Variants in SCN3A observed in about 807,000 individuals in gnomAD.
SCN3A encodes sodium voltage-gated channel alpha subunit 3.
Under a neutral mutation model 187.6 loss-of-function variants are expected in SCN3A, and 60 were observed. The observed-to-expected ratio is 0.32, with a 90% confidence interval of 0.26 to 0.40. The LOEUF (loss-of-function observed/expected upper bound fraction) is 0.40, where lower values mean the gene tolerates loss of function less well. Ranked by LOEUF, SCN3A falls within the 10% of genes least tolerant of loss-of-function variation. SCN3A has a pLI of 1.00. For synonymous variants in SCN3A, 788 were observed against 829.2 expected (o/e 0.95, Z 0.85); for missense variants, 1,601 against 2,428.2 (o/e 0.66, Z 7.16).
chr2:165,128,050 G>T lies in SCN3A; in HGVS notation c.2974C>A (p.Leu992Ile). 6.2e-7 allele frequency: 1 copy of T among 1,613,472 alleles called. No homozygotes were observed. Among genetic ancestry groups the T allele is most frequent in the Non-Finnish European group, 8.5e-7 (1 of 1,179,930 alleles). ...LLLSSFSSDN[L>I]AATDDDNEMN... ...TCATTGTCATCATCAGTAGCAGCAA[G>T]GTTGTCTGAGCTAAATGAACTCAAC... Residue 992 changes from leucine to isoleucine, a missense_variant, in exon 18 of 28, where the codon CTT becomes ATT. Leu to Ile is a conservative substitution (Grantham distance 5, BLOSUM62 2). This residue lies in a region of SCN3A where 267 missense variants were observed against 313.2 expected (regional missense o/e 0.85). Transcript: ENST00000283254.
intron 9 of SCN3A, among the ~76,000 whole-genome samples, chr2:165,158,041 T>C (rs1425875830): frequency 2.0e-5 from 3 of 152,312 alleles, no homozygotes; most frequent in East Asian, 3.9e-4. Context: ...GTTCTTTTTA[T>C]TGGAAAATGG....
intron 15 of SCN3A, among the ~76,000 whole-genome samples, chr2:165,132,536 T>C (rs1178799940): frequency 6.6e-6 from 1 of 152,322 alleles, no homozygotes; most frequent in African/African-American, 2.4e-5. Context: ...GGGAAAAGGA[T>C]TCCCTATTTA....
intron 18 of SCN3A, among the ~76,000 whole-genome samples, chr2:165,120,188 C>G (rs1434811782): frequency 6.6e-6 from 1 of 151,892 alleles, no homozygotes; most frequent in Non-Finnish European, 1.5e-5. Flanking sequence ...GGAAGCCGCA[C>G]GCTGATCCAA....
At chr2:165,093,854 A>T (rs1253094166) in intron 26 of SCN3A, 1 of 155,680 alleles carries the variant, frequency 6.4e-6, no homozygotes, top group African/African-American at 2.4e-5. Context: ...CAGCTCTGTG[A>T]ACATAATCTG....
At chr2:165,143,831 G>T (rs996030592) in intron 12 of SCN3A, among the ~76,000 whole-genome samples, 2 of 152,162 alleles carry the variant, frequency 1.3e-5, no homozygotes, top group Non-Finnish European at 2.9e-5. Context: ...TGCATGTAGG[G>T]TTTGGATTCA....
intron 22 of SCN3A, among the ~76,000 whole-genome samples, chr2:165,097,909 T>G (rs1210511332): frequency 6.6e-6 from 1 of 152,190 alleles, no homozygotes; most frequent in East Asian, 1.9e-4. Context: ...GAATGATAAT[T>G]TGAAAAAGCC....
chr2:165,143,083 T>A (rs1375087752), intron 12 of SCN3A, among the ~76,000 whole-genome samples: 1 of 150,914 alleles, frequency 6.6e-6, no homozygotes, highest in Admixed American at 6.6e-5. Context: ...TTTGAGTGTA[T>A]GTGAATCACT....
chr2:165,132,517 A>C (rs1687396588), intron 15 of SCN3A, among the ~76,000 whole-genome samples: 1 of 152,318 alleles, frequency 6.6e-6, no homozygotes, highest in Non-Finnish European at 1.5e-5. Context: ...TCTGAGAAAA[A>C]CAAGCAATGG....
At chr2:165,137,307 T>G (rs1293084340) in intron 15 of SCN3A, among the ~76,000 whole-genome samples, 1 of 152,164 alleles carries the variant, frequency 6.6e-6, no homozygotes, top group Non-Finnish European at 1.5e-5. Flanking sequence ...GTAAACCCTT[T>G]TCTTACTTGT....
At position 165,115,501 on chromosome 2, in the gene SCN3A, T is replaced by C. The variant is rs1384034730; in HGVS notation, c.3468A>G (p.Glu1156=). 3.7e-6 allele frequency: 6 copies of C among 1,614,010 alleles called. No individual in the cohort carries two copies. Among genetic ancestry groups the C allele is most frequent in the Non-Finnish European group, 4.2e-6 (5 of 1,179,960 alleles). The stretch of plus-strand genomic sequence containing the variant: ...GTTTAAGGTCTTCTTCGGGTTCAGT[T>C]TCAGCTTGTTCACCTTCTCGGGGTA... ...VVLPREGEQA[E]TEPEEDLKPE... The change falls in exon 19 of 28, where the codon GAA becomes GAG. Residue 1156 remains glutamate, a synonymous_variant. Transcript: ENST00000283254.
At chr2:165,174,516 T>C (rs1436577411) in intron 3 of SCN3A, among the ~76,000 whole-genome samples, 1 of 152,224 alleles carries the variant, frequency 6.6e-6, no homozygotes, top group Non-Finnish European at 1.5e-5. Context: ...CGTTTGCCTC[T>C]GTTGTTCTCC....
chr2:165,189,098 C>T (rs1363108776), intron 1 of SCN3A, among the ~76,000 whole-genome samples: 1 of 152,110 alleles, frequency 6.6e-6, no homozygotes, highest in Non-Finnish European at 1.5e-5. Flanking sequence ...CATATTGGAT[C>T]ACATGAATTT....
intron 1 of SCN3A, 115 bp downstream of exon 1, chr2:165,203,708 T>C (rs1692459217): frequency 6.6e-6 from 1 of 152,006 alleles, no homozygotes; most frequent in South Asian, 2.1e-4. Flanking sequence ...TCCTGTAATT[T>C]ACATTTAAAC....
At chr2:165,168,900 G>C (rs1392401033) in intron 4 of SCN3A, 75 bp from the exon 5 acceptor site, 1 of 956,762 alleles carries the variant, frequency 1.0e-6, no homozygotes, top group Admixed American at 1.8e-5. Context: ...ACACAAAAAA[G>C]TTTATCGATG....
In SCN3A at chr2:165,090,099, AC is replaced by A; in HGVS notation, c.*50del. 6.5e-7 allele frequency: 1 copy of A among 1,548,312 alleles called. No homozygotes were observed. Among genetic ancestry groups the A allele is most frequent in the Non-Finnish European group, 8.7e-7 (1 of 1,146,872 alleles). On this transcript the variant is annotated 3_prime_UTR_variant, in exon 28 of 28. Transcript: ENST00000283254. The surrounding 1 kb of genome is among the most constrained non-coding windows in gnomAD (Gnocchi z 4.0). Reference sequence around the variant, plus strand: ...GAAGTCCAGTTGACACATATACTTTACCTTCATAGGCTGTAAACAATTGATC... The same window carrying A: ...GAAGTCCAGTTGACACATATACTTTACTTCATAGGCTGTAAACAATTGATC...
At chr2:165,097,672 C>T in intron 22 of SCN3A, 148 bp from the exon 23 acceptor site, 1 of 1,022,654 alleles carries the variant, frequency 9.8e-7, no homozygotes, top group East Asian at 2.6e-5. Context: ...TTTTCTAGCA[C>T]ATATTTGAAG....
intron 15 of SCN3A, among the ~76,000 whole-genome samples, chr2:165,132,679 T>C (rs1687411850): frequency 6.6e-6 from 1 of 152,128 alleles, no homozygotes; most frequent in African/African-American, 2.4e-5. Context: ...ATAAAAACCC[T>C]AGAAGAAAAC....
intron 15 of SCN3A, among the ~76,000 whole-genome samples, chr2:165,137,371 C>T (rs1250784628): frequency 6.6e-6 from 1 of 152,092 alleles, no homozygotes; most frequent in East Asian, 1.9e-4. Context: ...GTAATTTGAA[C>T]CAGAGGTATG....
intron 11 of SCN3A, among the ~76,000 whole-genome samples, chr2:165,150,219 C>T (rs7565775): frequency 0.38 from 57,128 of 151,976 alleles, 10,743 homozygotes; most frequent in South Asian, 0.45. Context: ...TTTCTCATGC[C>T]TACACCGTGA....
Sources: allele counts gnomAD v4.1 joint callset (sites outside exome capture counted in the v4.1 genomes callset), GRCh38; gene constraint gnomAD v4.1.1; regional missense constraint gnomAD v4.1.1; non-coding constraint Gnocchi (gnomAD v3.1); transcripts MANE v1.5; gene names NCBI Gene and HGNC (gene_info 2026-07-23, HGNC 2026-07-21).